Variants in DNAH14 observed in about 807,000 individuals in gnomAD.
DNAH14 encodes the protein dynein axonemal heavy chain 14, also known as axonemal beta dynein heavy chain 14.
Under a neutral mutation model 520.9 loss-of-function variants are expected in DNAH14, and 478 were observed. That is an observed-to-expected ratio of 0.92 (90% CI 0.85 to 0.99). The LOEUF is 0.99. Ranked by LOEUF, DNAH14 falls within the 50% of genes least tolerant of loss-of-function variation. The pLI, the probability that DNAH14 is intolerant of heterozygous loss-of-function variation, is 0.00. For missense variants in DNAH14, 4,831 were observed against 5,234.5 expected (o/e 0.92, Z 2.38); for synonymous variants, 1,581 against 1,757.2 (o/e 0.90, Z 2.51).
intron 41 of DNAH14, among the ~76,000 whole-genome samples, chr1:225,214,992 G>A (rs534047226): frequency 1.3e-5 from 2 of 152,108 alleles, no homozygotes; most frequent in African/African-American, 4.8e-5. Context: ...TCTTTTAATT[G>A]TGATGTTAGG....
At chr1:225,272,509 G>A (rs899223377) in intron 51 of DNAH14, among the ~76,000 whole-genome samples, 2 of 152,176 alleles carry the variant, frequency 1.3e-5, no homozygotes, top group Non-Finnish European at 2.9e-5. Flanking sequence ...ATCAATTCTT[G>A]AATTTGATAC....
chr1:224,953,744 C>T (rs2060330768), intron 2 of DNAH14, among the ~76,000 whole-genome samples: 1 of 151,882 alleles, frequency 6.6e-6, no homozygotes, highest in Non-Finnish European at 1.5e-5. Context: ...TGGGTGGGGG[C>T]AGGGGAAGAA....
intron 12 of DNAH14, among the ~76,000 whole-genome samples, chr1:225,040,554 A>G (rs1477641621): frequency 2.0e-5 from 3 of 152,182 alleles, no homozygotes; most frequent in Non-Finnish European, 2.9e-5. Flanking sequence ...AAAGTATTCA[A>G]TGTCTCCTAT....
chr1:225,180,977 C>G (rs1023692286), intron 36 of DNAH14, among the ~76,000 whole-genome samples: 1 of 152,120 alleles, frequency 6.6e-6, no homozygotes, highest in Non-Finnish European at 1.5e-5. Flanking sequence ...TGCTCCCTTC[C>G]TTTCCTCCCT....
At chr1:225,092,765 AGACTTCT>A (rs2074512063) in intron 21 of DNAH14, among the ~76,000 whole-genome samples, 3 of 151,972 alleles carry the variant, frequency 2.0e-5, no homozygotes, top group Non-Finnish European at 4.4e-5. Context: ...TAAGATACAT[AGACTTCT>A]AGCTACAATC....
At chr1:225,220,906 C>G (rs950191562) in intron 41 of DNAH14, among the ~76,000 whole-genome samples, 18 of 152,290 alleles carry the variant, frequency 1.2e-4, no homozygotes, top group African/African-American at 4.3e-4. Flanking sequence ...TCAAACTGTA[C>G]TACAAGGCTT....
chr1:225,359,886 T>G (rs2150540013), intron 74 of DNAH14, among the ~76,000 whole-genome samples: 1 of 152,366 alleles, frequency 6.6e-6, no homozygotes, highest in South Asian at 2.1e-4. Context: ...GTGCAGGATG[T>G]GCAGGTTTGT....
At chr1:225,192,057 C>G (rs2085508688) in intron 37 of DNAH14, among the ~76,000 whole-genome samples, 1 of 152,082 alleles carries the variant, frequency 6.6e-6, no homozygotes, top group Admixed American at 6.6e-5. Flanking sequence ...CAATTCATCT[C>G]AGGTCTTTGT....
At chr1:225,382,018 A>T (rs1021499007) in intron 81 of DNAH14, among the ~76,000 whole-genome samples, 3 of 152,250 alleles carry the variant, frequency 2.0e-5, no homozygotes, top group African/African-American at 7.2e-5. Context: ...AGCACAGAGT[A>T]GGAAATTAAC....
chr1:225,316,396 G>A (rs1035535587), intron 60 of DNAH14, among the ~76,000 whole-genome samples: 3 of 152,108 alleles, frequency 2.0e-5, no homozygotes, highest in African/African-American at 7.2e-5. Context: ...CACCACTGGG[G>A]TATGAAAAAA....
At chr1:225,191,015 A>G (rs1488139373) in intron 37 of DNAH14, among the ~76,000 whole-genome samples, 1 of 151,926 alleles carries the variant, frequency 6.6e-6, no homozygotes, top group Non-Finnish European at 1.5e-5. Context: ...CTATATCTTT[A>G]TATATTGTGT....
At chr1:225,372,459 A>T (rs1399305064) in intron 77 of DNAH14, among the ~76,000 whole-genome samples, 1 of 152,216 alleles carries the variant, frequency 6.6e-6, no homozygotes, top group African/African-American at 2.4e-5. Context: ...CACAGGTAAT[A>T]TTTCAACTGA....
At chr1:225,259,961 A>T (rs184393093) in intron 46 of DNAH14, among the ~76,000 whole-genome samples, 8 of 152,284 alleles carry the variant, frequency 5.3e-5, no homozygotes, top group South Asian at 4.1e-4. Context: ...ATGCACATTT[A>T]AAAAATCCAT....
intron 11 of DNAH14, among the ~76,000 whole-genome samples, chr1:225,033,417 A>G (rs983332172): frequency 3.3e-5 from 5 of 151,928 alleles, no homozygotes; most frequent in African/African-American, 7.3e-5. Context: ...TGGGCTCTCT[A>G]TTCTGTTCCA....
chr1:224,968,556 C>T (rs771615180), intron 6 of DNAH14, among the ~76,000 whole-genome samples: 1 of 152,006 alleles, frequency 6.6e-6, no homozygotes, highest in Non-Finnish European at 1.5e-5. Context: ...CATTAGAAAA[C>T]GACAAGTACA....
Position 225,308,309 on chromosome 1 carries a change from C to G in DNAH14, c.9139C>G (p.Leu3047Val). ...GGAAACAGAAACTCTAATGGAAAAA[C>G]TACGGAAAGATTCACAAGTAGTTGA... ...TKETETLMEK[L>V]RKDSQVVEKV... is the part of the protein sequence containing the mutation. Residue 3047 changes from leucine (L) to valine (V), a missense_variant, in exon 60 of 86, where the codon CTA (leucine) becomes GTA (valine). Leu to Val is a conservative substitution (Grantham distance 32). Transcript: ENST00000682510. 1 of 1,539,522 alleles carries G rather than the reference C, an allele frequency of 6.5e-7. No homozygotes were observed. The highest frequency in any genetic ancestry group is 8.7e-7 in the Non-Finnish European group (1 of 1,143,934).
At chr1:225,311,916 T>C (rs1323974471) in intron 60 of DNAH14, among the ~76,000 whole-genome samples, 1 of 152,198 alleles carries the variant, frequency 6.6e-6, no homozygotes, top group African/African-American at 2.4e-5. Flanking sequence ...TAGGATTGTC[T>C]TGGATATACA....
Position 225,165,373 on chromosome 1 carries a change from C to G in DNAH14, c.5446-2566C>G, listed in dbSNP as rs1450197661. ...TCTTTTAGCCCTTTTAATATATACTCTTTTATTTTTAGTTCTCTAAATTAA... is the reference window on the plus strand; with the variant it reads ...TCTTTTAGCCCTTTTAATATATACTGTTTTATTTTTAGTTCTCTAAATTAA... On this transcript the variant is annotated intron_variant, in intron 35 of 85. Coordinates refer to ENST00000682510, the MANE Select transcript of DNAH14 (RefSeq NM_001367479.1). Among the ~76,000 whole-genome samples, 4 of 152,024 alleles carry G rather than the reference C, an allele frequency of 2.6e-5. No homozygotes were observed. The East Asian group carries it at 7.7e-4, about 29-fold the overall frequency.
intron 49 of DNAH14, 40 bp from the exon 50 acceptor site, chr1:225,270,695 A>T (rs1167284957): frequency 2.6e-6 from 4 of 1,535,870 alleles, no homozygotes; most frequent in Non-Finnish European, 3.5e-6. Flanking sequence ...CACTTCCTAC[A>T]GATACATTCA....
Sources: allele counts gnomAD v4.1 joint callset (sites outside exome capture counted in the v4.1 genomes callset), GRCh38; gene constraint gnomAD v4.1.1; transcripts MANE v1.5; gene names NCBI Gene and HGNC (gene_info 2026-07-23, HGNC 2026-07-21).